C12orf42: variants seen among roughly 807,000 people sequenced by gnomAD.
C12orf42 encodes the protein chromosome 12 open reading frame 42, also known as uncharacterized protein C12orf42.
A neutral mutation model predicts 21.6 loss-of-function variants in C12orf42; 25 were observed. The observed-to-expected ratio is 1.16, with a 90% CI of 0.84 to 1.62. The LOEUF is 1.62. C12orf42 is among the 40% of genes most tolerant of loss of function. The pLI is 0.00. For missense variants in C12orf42, 483 were observed against 459.3 expected, an observed-to-expected ratio of 1.05 and a Z score of -0.47; for synonymous variants, 174 against 175.0, an observed-to-expected ratio of 0.99 and a Z score of 0.05.
At chr12:103,437,651 CT>C in intron 2 of C12orf42, among the ~76,000 whole-genome samples, 1 of 152,030 alleles carries the variant, frequency 6.6e-6, no homozygotes, top group East Asian at 1.9e-4. Context: ...ACTAGAAAAT[CT>C]AGAAGAAATG....
At chr12:103,288,143 A>C (rs1016538112) in intron 4 of C12orf42, among the ~76,000 whole-genome samples, 1 of 152,166 alleles carries the variant, frequency 6.6e-6, no homozygotes, top group Admixed American at 6.5e-5. Flanking sequence ...TATTCTCCCA[A>C]ATTTACCATA....
At chr12:103,124,282 G>A in the C12orf42 span, among the ~76,000 whole-genome samples, 1 of 144,576 alleles carries the variant, frequency 6.9e-6, no homozygotes, top group African/African-American at 2.6e-5. Context: ...CATTATAGAT[G>A]TATTTGAAGC....
chr12:103,244,754 T>C (rs2033930262), intron 10 of C12orf42, among the ~76,000 whole-genome samples: 1 of 152,036 alleles, frequency 6.6e-6, no homozygotes, highest in Non-Finnish European at 1.5e-5. Context: ...TACTTTCTTT[T>C]CTCACTTCCT....
chr12:103,095,734 G>A, the C12orf42 span, among the ~76,000 whole-genome samples: 1 of 152,196 alleles, frequency 6.6e-6, no homozygotes, highest in Admixed American at 6.5e-5. Flanking sequence ...TAAGAGCTTA[G>A]ATCAATTCCT....
chr12:103,404,915 C>T (rs2048310413), intron 2 of C12orf42, among the ~76,000 whole-genome samples: 1 of 152,228 alleles, frequency 6.6e-6, no homozygotes, highest in African/African-American at 2.4e-5. Flanking sequence ...CACGCAAGTG[C>T]ACACGCACGC....
the C12orf42 span, among the ~76,000 whole-genome samples, chr12:103,074,335 A>G: frequency 6.6e-6 from 1 of 152,168 alleles, no homozygotes; most frequent in Non-Finnish European, 1.5e-5. Context: ...AGAGAGCTTA[A>G]TTGAACATAG....
intron 2 of C12orf42, among the ~76,000 whole-genome samples, chr12:103,442,725 A>G (rs1028057260): frequency 3.3e-5 from 5 of 152,128 alleles, no homozygotes; most frequent in Non-Finnish European, 7.4e-5. Context: ...AGCGCTTTCT[A>G]TGTGTCAGAC....
chr12:103,315,994 A>G (rs978602886), intron 4 of C12orf42, among the ~76,000 whole-genome samples: 1 of 151,566 alleles, frequency 6.6e-6, no homozygotes, highest in Non-Finnish European at 1.5e-5. Context: ...ATATACACAC[A>G]CACAGACAAA....
At position 103,256,111 on chromosome 12, in the gene C12orf42, T is replaced by TACAC. The variant is rs199952822; in HGVS notation, c.*1366+7211_*1366+7214dup. Among the ~76,000 whole-genome samples the TACAC allele has an allele frequency of 3.9e-3, 132 of 33,820 alleles. 2 individuals carry two copies. Among genetic ancestry groups the TACAC allele is most frequent in the South Asian group, 8.4e-3 (7 of 836 alleles). 22.2% of individuals were successfully genotyped at this position (33,820 alleles called of 152,430 possible). ...ATATATATATATATATATATATATA[T>TACAC]ACACACACACACACACACACACACA... On this transcript the variant is annotated intron_variant and NMD_transcript_variant, in intron 10 of 10. Transcript: ENST00000547347.
At chr12:103,458,427 G>A (rs776021783) in intron 2 of C12orf42, among the ~76,000 whole-genome samples, 2 of 152,100 alleles carry the variant, frequency 1.3e-5, no homozygotes, top group Non-Finnish European at 1.5e-5. Flanking sequence ...TAGGATAGGC[G>A]AAACTAGATC....
At chr12:103,062,134 A>G in the C12orf42 span, among the ~76,000 whole-genome samples, 1 of 151,776 alleles carries the variant, frequency 6.6e-6, no homozygotes, top group Non-Finnish European at 1.5e-5. Context: ...CCAATCTCAG[A>G]TTTCATGTTA....
At chr12:103,064,872 T>C in the C12orf42 span, among the ~76,000 whole-genome samples, 1 of 152,190 alleles carries the variant, frequency 6.6e-6, no homozygotes, top group Non-Finnish European at 1.5e-5. Context: ...AGTCAGGTAA[T>C]TAATGGAGTT....
the C12orf42 span, among the ~76,000 whole-genome samples, chr12:103,055,493 A>G: frequency 1.3e-5 from 2 of 151,890 alleles, no homozygotes; most frequent in Admixed American, 1.3e-4. Flanking sequence ...ATTATCTTCC[A>G]AAGAACCAGC....
intron 4 of C12orf42, among the ~76,000 whole-genome samples, chr12:103,294,935 A>G (rs2037150842): frequency 6.6e-6 from 1 of 152,058 alleles, no homozygotes. Flanking sequence ...TCCACCCTCC[A>G]AAAGGCCCCA....
At chr12:103,167,060 T>G in the C12orf42 span, among the ~76,000 whole-genome samples, 1,101 of 152,330 alleles carry the variant, frequency 7.2e-3, 7 homozygotes, top group Non-Finnish European at 0.013. Context: ...TTCTCACTAG[T>G]GTGTATGGCC....
In C12orf42 at chr12:103,306,282, A is replaced by G. The variant is rs1555250555; in HGVS notation, c.323T>C (p.Ile108Thr). ...CKRLLHTCQY[I>T]VPRCSVSTVS... is the part of the protein sequence containing the mutation. Reference sequence around the variant, plus strand: ...TGTGCTTACAGAACACCTGGGGACTATGTACTGGCAAGTATGAAGTAGTCT... The same window carrying G: ...TGTGCTTACAGAACACCTGGGGACTGTGTACTGGCAAGTATGAAGTAGTCT... The change falls in exon 5 of 6, where the codon ATA becomes ACA. Residue 108 changes from isoleucine (I) to threonine (T), a missense_variant. Coordinates refer to ENST00000548883, the MANE Select transcript of C12orf42 (RefSeq NM_198521.5). 8 of 1,613,530 alleles carry G rather than the reference A, an allele frequency of 5.0e-6. No homozygotes were observed. The South Asian group carries it at 6.6e-5, about 13-fold the overall frequency.
chr12:103,073,562 A>T, the C12orf42 span, among the ~76,000 whole-genome samples: 1 of 151,786 alleles, frequency 6.6e-6, no homozygotes, highest in African/African-American at 2.4e-5. Flanking sequence ...TGTTTTTTTC[A>T]AAAGAGAGGA....
chr12:103,453,260 A>G (rs1041174509), intron 2 of C12orf42, among the ~76,000 whole-genome samples: 22 of 151,916 alleles, frequency 1.4e-4, no homozygotes, highest in Non-Finnish European at 3.1e-4. Context: ...ATAAAGGTTT[A>G]TATAAAGTTA....
At chr12:103,197,425 T>C in the C12orf42 span, among the ~76,000 whole-genome samples, 3 of 152,238 alleles carry the variant, frequency 2.0e-5, no homozygotes, top group African/African-American at 7.2e-5. Context: ...GTTTGGGTCA[T>C]TCATAAAATG....
Sources: allele counts gnomAD v4.1 joint callset (sites outside exome capture counted in the v4.1 genomes callset), GRCh38; gene constraint gnomAD v4.1.1; transcripts MANE v1.5; gene names NCBI Gene and HGNC (gene_info 2026-07-23, HGNC 2026-07-21).